Variants in ITGA11 observed in about 807,000 individuals in gnomAD.
The protein encoded by ITGA11 is integrin alpha-11.
A neutral mutation model predicts 141.9 loss-of-function variants in ITGA11; 97 were observed. The ratio of observed to expected loss-of-function variants is 0.68; its 90% CI spans 0.58 to 0.81. ITGA11 has a LOEUF of 0.81. Among genes scored for constraint, ITGA11 ranks in the 30% least tolerant of loss-of-function variants. The pLI, the probability that ITGA11 is intolerant of heterozygous loss-of-function variation, is 0.00. For synonymous variants in ITGA11, 658 were observed against 624.6 expected (o/e 1.05, Z -0.80); for missense variants, 1,387 against 1,559.2 (o/e 0.89, Z 1.86).
In ITGA11 at chr15:68,297,432, CTTTTTTTTTTTT is replaced by C. The variant is rs35780086; in HGVS notation, c.*5615_*5626del. On this transcript the variant is annotated 3_prime_UTR_variant, in exon 30 of 30. Coordinates refer to ENST00000315757, the MANE Select transcript of ITGA11 (RefSeq NM_001004439.2). ...ATCTGTACAGTTCTGCACTTCTGAG[CTTTTTTTTTTTT>C]TTTTTTTTTATCCAAAAGAAAGCTA... is the stretch of plus-strand genomic sequence containing the variant. 3 of 95,830 alleles carry C rather than the reference CTTTTTTTTTTTT, an allele frequency of 3.1e-5. No homozygotes were observed. Among genetic ancestry groups the C allele is most frequent in the African/African-American group, 1.2e-4 (3 of 24,292 alleles). 5.9% of individuals were successfully genotyped at this position (95,830 alleles called of 1,614,324 possible).
chr15:68,363,850 G>T (rs771181049), intron 4 of ITGA11, among the ~76,000 whole-genome samples: 2 of 152,212 alleles, frequency 1.3e-5, no homozygotes, highest in Non-Finnish European at 2.9e-5. Flanking sequence ...CATGTGCAGA[G>T]TCCATATGTG....
intron 2 of ITGA11, among the ~76,000 whole-genome samples, chr15:68,371,782 G>A (rs1895598330): frequency 1.3e-5 from 2 of 151,972 alleles, no homozygotes; most frequent in Non-Finnish European, 2.9e-5. Flanking sequence ...CAAGCTATGC[G>A]CAAAGACTGG....
At chr15:68,406,521 C>T (rs182036716) in intron 1 of ITGA11, among the ~76,000 whole-genome samples, 25 of 152,308 alleles carry the variant, frequency 1.6e-4, no homozygotes, top group Admixed American at 2.6e-4. Flanking sequence ...TCAATGCCAT[C>T]TTGTCCATCA....
intron 1 of ITGA11, among the ~76,000 whole-genome samples, chr15:68,409,049 T>C (rs898337199): frequency 1.3e-5 from 2 of 152,202 alleles, no homozygotes; most frequent in Non-Finnish European, 1.5e-5. Context: ...AGGTACTCAA[T>C]ACATCTTGGT....
chr15:68,430,371 A>G (rs140887592), intron 1 of ITGA11, among the ~76,000 whole-genome samples: 1 of 152,216 alleles, frequency 6.6e-6, no homozygotes, highest in Non-Finnish European at 1.5e-5. Flanking sequence ...TTGTGTCTCC[A>G]TTCTTCACAT....
chr15:68,350,560 G>C, intron 9 of ITGA11, 57 bp downstream of exon 9: 1 of 1,531,522 alleles, frequency 6.5e-7, no homozygotes, highest in Non-Finnish European at 8.9e-7. Context: ...GCTCTACGGG[G>C]TTTACCTGAC....
At chr15:68,361,766 T>C (rs1266244003) in intron 4 of ITGA11, 62 bp from the exon 5 acceptor site, 8 of 1,161,358 alleles carry the variant, frequency 6.9e-6, no homozygotes, top group African/African-American at 1.5e-5. Flanking sequence ...CGAGGTCCAA[T>C]GGCCTGAGGC....
chr15:68,310,099 C>T (rs1893331438), intron 26 of ITGA11, among the ~76,000 whole-genome samples: 1 of 152,086 alleles, frequency 6.6e-6, no homozygotes, highest in South Asian at 2.1e-4. Context: ...AAAATAAATT[C>T]CTTTAAGTAA....
intron 16 of ITGA11, among the ~76,000 whole-genome samples, chr15:68,327,579 G>A (rs577315057): frequency 9.2e-5 from 14 of 152,324 alleles, no homozygotes; most frequent in South Asian, 2.1e-4. Flanking sequence ...GAGACCACCT[G>A]GGGCCAGGGC....
rs939685414 is a variant in ITGA11, at chr15:68,303,983, G to T, written c.3382-98C>A. On this transcript the variant is annotated intron_variant, in intron 28 of 29. Transcript: ENST00000315757. The surrounding 1 kb of genome is among the most constrained non-coding windows in gnomAD (Gnocchi z 5.3). ...AGGGTGGAGACAGCTGGCACCTGGT[G>T]GGGGAGCTGCATCCTCTTCCTCAGG... 3 of 710,500 alleles carry T rather than the reference G, an allele frequency of 4.2e-6. No individual in the cohort carries two copies. The highest frequency in any genetic ancestry group is 1.7e-5 in the South Asian group (1 of 58,522). The allele number at this position is 710,500 out of a possible 1,614,324, so 44.0% of individuals were successfully genotyped here.
At chr15:68,354,346 G>T (rs1567141611) in intron 7 of ITGA11, among the ~76,000 whole-genome samples, 1 of 152,078 alleles carries the variant, frequency 6.6e-6, no homozygotes, top group Non-Finnish European at 1.5e-5. Flanking sequence ...ACATTGTTCA[G>T]GGGCCCTCTC....
rs1401187765 is a variant in ITGA11, at chr15:68,302,776, T to C, written c.*283A>G. 10 of 386,564 alleles carry C rather than the reference T, an allele frequency of 2.6e-5. No individual in the cohort carries two copies. The highest frequency in any genetic ancestry group is 4.6e-5 in the Non-Finnish European group (10 of 217,602). 23.9% of individuals were successfully genotyped at this position (386,564 alleles called of 1,614,324 possible). ...GGCAGCAAATGCCCTCCACAGAGCCTGAGGGAGGCCTTGGCATGGGCCTGG... is the reference window on the plus strand; with the variant it reads ...GGCAGCAAATGCCCTCCACAGAGCCCGAGGGAGGCCTTGGCATGGGCCTGG... On this transcript the variant is annotated 3_prime_UTR_variant, in exon 30 of 30. Transcript: ENST00000315757.
rs1305392113 is a variant in ITGA11, at chr15:68,313,794, T to C, written c.2867A>G (p.Asp956Gly). ...PLRFHLKYEA[D>G]VLFTRSSSLS... is the part of the protein sequence containing the mutation. Reference sequence around the variant, plus strand: ...CCCGGCCCACCTGGTGAAGAGGACGTCAGCCTCGTATTTGAGGTGGAAGCG... The same window carrying C: ...CCCGGCCCACCTGGTGAAGAGGACGCCAGCCTCGTATTTGAGGTGGAAGCG... Residue 956 changes from aspartate to glycine, a missense_variant, in exon 23 of 30, where the codon GAC becomes GGC. By Grantham distance (94) the Asp-to-Gly change is moderately conservative (BLOSUM62 -1). Coordinates refer to ENST00000315757, the MANE Select transcript of ITGA11 (RefSeq NM_001004439.2). The C allele has an allele frequency of 8.7e-6, 14 of 1,613,758 alleles. No homozygotes were observed. The highest frequency in any genetic ancestry group is 1.1e-5 in the Non-Finnish European group (13 of 1,179,836).
chr15:68,364,944 C>T, intron 3 of ITGA11, 146 bp from the exon 4 acceptor site: 2 of 892,688 alleles, frequency 2.2e-6, no homozygotes, highest in South Asian at 1.6e-5. Context: ...AAAGGCCTTC[C>T]CCAGACGTAC....
At chr15:68,345,200 G>A (rs563598826) in intron 10 of ITGA11, among the ~76,000 whole-genome samples, 8 of 152,246 alleles carry the variant, frequency 5.3e-5, no homozygotes, top group South Asian at 2.1e-4. Context: ...TGACCTTTGC[G>A]TTCATTTCCA....
intron 1 of ITGA11, among the ~76,000 whole-genome samples, chr15:68,422,934 C>T (rs567467701): frequency 3.3e-5 from 5 of 152,352 alleles, no homozygotes; most frequent in African/African-American, 1.2e-4. Flanking sequence ...CCACAAGCTC[C>T]TTGAAAGGCA....
intron 9 of ITGA11, among the ~76,000 whole-genome samples, chr15:68,350,163 T>C (rs946210346): frequency 6.6e-6 from 1 of 152,064 alleles, no homozygotes; most frequent in African/African-American, 2.4e-5. Context: ...CGGCACGGAG[T>C]AATACTCAAT....
At position 68,326,150 on chromosome 15, in the gene ITGA11, G is replaced by A. The variant is rs1893965469; in HGVS notation, c.2211+504C>T. Among the ~76,000 whole-genome samples the A allele has an allele frequency of 6.6e-6, 1 of 152,242 alleles. No individual in the cohort carries two copies. On this transcript the variant is annotated intron_variant, in intron 17 of 29. Coordinates refer to ENST00000315757, the MANE Select transcript of ITGA11 (RefSeq NM_001004439.2). The surrounding 1 kb of genome is among the most constrained non-coding windows in gnomAD (Gnocchi z 6.8). The stretch of plus-strand genomic sequence containing the variant: ...TGCATCTCTGGGGCTGGAGCTGTGA[G>A]CTGGGTATTTGGTATCTCTGGATGG...
chr15:68,406,161 C>A (rs928506096), intron 1 of ITGA11, among the ~76,000 whole-genome samples: 1 of 152,156 alleles, frequency 6.6e-6, no homozygotes, highest in Admixed American at 6.5e-5. Context: ...CCACCCCAAG[C>A]CCTCTATCAG....
Sources: allele counts gnomAD v4.1 joint callset (sites outside exome capture counted in the v4.1 genomes callset), GRCh38; gene constraint gnomAD v4.1.1; non-coding constraint Gnocchi (gnomAD v3.1); transcripts MANE v1.5; gene names NCBI Gene and HGNC (gene_info 2026-07-23, HGNC 2026-07-21).